Variants in CES2 observed in about 807,000 individuals in gnomAD.
The protein encoded by CES2 is cocaine esterase.
In CES2, 42 loss-of-function variants were observed where a neutral mutation model predicts 52.1. The ratio of observed to expected loss-of-function variants is 0.81; its 90% CI spans 0.63 to 1.04. The LOEUF (loss-of-function observed/expected upper bound fraction) is 1.04, where lower values mean the gene tolerates loss of function less well. Among genes scored for constraint, CES2 ranks in the 50% least tolerant of loss-of-function variants. The probability of loss-of-function intolerance (pLI) is 0.00; values close to 1 mark genes in which losing one functional copy is unlikely to be tolerated. For synonymous variants in CES2, 277 were observed against 289.6 expected, an observed-to-expected ratio of 0.96 and a Z score of 0.44; for missense variants, 656 against 724.3, an observed-to-expected ratio of 0.91 and a Z score of 1.08.
Position 66,943,481 on chromosome 16 carries a change from T to TGAAG in CES2, c.1493+112_1493+113insAGGA. 4 of 1,137,220 alleles carry TGAAG rather than the reference T, an allele frequency of 3.5e-6. No individual in the cohort carries two copies. The highest frequency in any genetic ancestry group is 5.2e-6 in the Non-Finnish European group (4 of 772,042). 70.4% of individuals were successfully genotyped at this position (1,137,220 alleles called of 1,614,324 possible). ...GAGCACACCCGCATCCTTCATCACA[T>TGAAG]GATGGCCCCTTCCCCAGCTCCGGGA... On this transcript the variant is annotated intron_variant, in intron 11 of 11. Coordinates refer to ENST00000317091, the MANE Select transcript of CES2 (RefSeq NM_001365405.1). This position sits in a 1 kb window ranked among gnomAD's most constrained non-coding sequence, Gnocchi z 4.2.
At chr16:66,935,385 C>T (rs1306202869), upstream of CES2, 5 of 1,518,730 alleles carry the variant, frequency 3.3e-6, no homozygotes, top group Admixed American at 2.1e-5. Context: ...GCCAAAGGAG[C>T]CCGGGCAAAG....
chr16:66,939,408 A>G, intron 3 of CES2, 50 bp downstream of exon 3: 1 of 1,598,326 alleles, frequency 6.3e-7, no homozygotes, highest in Non-Finnish European at 8.6e-7. Context: ...GTTCTTCTGC[A>G]AGAAGCTGAA....
intron 2 of CES2, 90 bp from the exon 3 acceptor site, chr16:66,939,127 G>T: frequency 1.8e-6 from 2 of 1,095,454 alleles, no homozygotes; most frequent in South Asian, 2.6e-5. Flanking sequence ...TGTGGGAAGG[G>T]TCTGAGGGTG....
chr16:66,941,101 GC>G, intron 5 of CES2, 22 bp from the exon 6 acceptor site: 1 of 1,613,480 alleles, frequency 6.2e-7, no homozygotes, highest in Non-Finnish European at 8.5e-7. Context: ...GGATGAGCCA[GC>G]CCCTGCCTGG....
intron 2 of CES2, among the ~76,000 whole-genome samples, chr16:66,938,668 A>C (rs906824195): frequency 1.3e-5 from 2 of 152,018 alleles, no homozygotes; most frequent in African/African-American, 4.8e-5. Flanking sequence ...GGGGACCTGC[A>C]CTCTCCACAG....
At position 66,940,539 on chromosome 16, in the gene CES2, C is replaced by A. The variant is rs139112900; in HGVS notation, c.660C>A (p.Asp220Glu). 1 of 1,614,044 alleles carries A rather than the reference C, an allele frequency of 6.2e-7. No individual in the cohort carries two copies. The highest frequency in any genetic ancestry group is 1.3e-5 in the African/African-American group (1 of 74,870). ...TCGCCCACTTTGGAGGCAACCCTGACCGTGTCACCATTTTTGGCGAGTCTG... is the reference window on the plus strand; with the variant it reads ...TCGCCCACTTTGGAGGCAACCCTGAACGTGTCACCATTTTTGGCGAGTCTG... ...QNIAHFGGNP[D>E]RVTIFGESAG... Residue 220 changes from aspartate (D) to glutamate (E), a missense_variant, in exon 5 of 12, where the codon GAC becomes GAA. Physicochemically the swap from Asp to Glu is conservative, Grantham distance 45. Coordinates refer to ENST00000317091, the MANE Select transcript of CES2 (RefSeq NM_001365405.1).
In CES2 at chr16:66,942,013, C is replaced by T. The variant is rs557284618; in HGVS notation, c.1138-92C>T. The T allele has an allele frequency of 1.2e-5, 19 of 1,532,282 alleles. No individual in the cohort carries two copies. In the African/African-American group the frequency reaches 2.6e-4, roughly 21 times the overall value. The allele number at this position is 1,532,282 out of a possible 1,614,324, so 94.9% of individuals were successfully genotyped here. ...TCACCTCAGAGCCTCGCCTTTGCTC[C>T]CCCTTCCTGTGCCATCCCCAAGCCC... On this transcript the variant is annotated intron_variant, in intron 8 of 11. Transcript: ENST00000317091.
chr16:66,942,026 C>G, intron 8 of CES2, 79 bp from the exon 9 acceptor site: 1 of 1,545,326 alleles, frequency 6.5e-7, no homozygotes, highest in Non-Finnish European at 8.8e-7. Context: ...CTTCCTGTGC[C>G]ATCCCCAAGC....
In CES2 at chr16:66,943,227, A is replaced by G; in HGVS notation, c.1421-72A>G. ...ACTGGGGACCGAGGTCTCGGGGGCC[A>G]AGGACGAGCTCCACCTGGGATGCTG... On this transcript the variant is annotated intron_variant, in intron 10 of 11. Transcript: ENST00000317091. This position sits in a 1 kb window ranked among gnomAD's most constrained non-coding sequence, Gnocchi z 4.2. 1 of 1,530,404 alleles carries G rather than the reference A, an allele frequency of 6.5e-7. No homozygotes were observed. Among genetic ancestry groups the G allele is most frequent in the Non-Finnish European group, 9.0e-7 (1 of 1,111,200 alleles). The allele number at this position is 1,530,404 out of a possible 1,614,324, so 94.8% of individuals were successfully genotyped here. A position where few individuals can be genotyped will look rare whatever the true frequency, so the allele number is the denominator to read the frequency against.
intron 9 of CES2, 65 bp from the exon 10 acceptor site, chr16:66,942,583 C>T (rs1963392359): frequency 1.9e-6 from 3 of 1,587,544 alleles, no homozygotes; most frequent in African/African-American, 1.3e-5. Context: ...TATCTTATCA[C>T]CATGGGTGAG....
At chr16:66,942,048 T>A in intron 8 of CES2, 57 bp from the exon 9 acceptor site, 1 of 1,565,968 alleles carries the variant, frequency 6.4e-7, no homozygotes, top group South Asian at 1.2e-5. Context: ...CGAGACCACC[T>A]CCTCCCTGCC....
Position 66,944,093 on chromosome 16 carries a change from C to A in CES2, c.*68C>A. 1 of 769,142 alleles carries A rather than the reference C, an allele frequency of 1.3e-6. No individual in the cohort carries two copies. The highest frequency in any genetic ancestry group is 2.0e-6 in the Non-Finnish European group (1 of 501,418). The allele number at this position is 769,142 out of a possible 1,614,324, so 47.6% of individuals were successfully genotyped here. A position where few individuals can be genotyped will look rare whatever the true frequency, so the allele number is the denominator to read the frequency against. ...AGGGTCAGCCTGCTGTGCCCACACA[C>A]ACCCACTAAGGAGAAAGAAGTTGAT... On this transcript the variant is annotated 3_prime_UTR_variant, in exon 12 of 12. Coordinates refer to ENST00000317091, the MANE Select transcript of CES2 (RefSeq NM_001365405.1).
intron 5 of CES2, 115 bp downstream of exon 5, chr16:66,940,810 C>T: frequency 2.2e-6 from 3 of 1,345,338 alleles, no homozygotes; most frequent in South Asian, 2.9e-5. Flanking sequence ...CCAGGAGCTG[C>T]TGCCTACCGT....
In CES2 at chr16:66,941,775, G is replaced by A. The variant is rs1385000850; in HGVS notation, c.1064G>A (p.Arg355Lys). ...EFGWLIPKVM[R>K]IYDTQKEMDR... is the part of the protein sequence containing the mutation. ...TCTCTCCTGGCCATCCAGGTCATGA[G>A]GATCTATGATACCCAGAAGGAAATG... The change falls in exon 8 of 12, where the codon AGG (arginine) becomes AAG (lysine). Residue 355 changes from arginine (R) to lysine (K), a missense_variant. By Grantham distance (26) the Arg-to-Lys change is conservative (BLOSUM62 2). Transcript: ENST00000317091. The A allele has an allele frequency of 6.2e-7, 1 of 1,614,134 alleles. No homozygotes were observed. Among genetic ancestry groups the A allele is most frequent in the Non-Finnish European group, 8.5e-7 (1 of 1,180,008 alleles).
chr16:66,935,382 G>T, upstream of CES2: 1 of 1,512,630 alleles, frequency 6.6e-7, no homozygotes, highest in Non-Finnish European at 8.9e-7. Context: ...GATGCCAAAG[G>T]AGCCCGGGCA....
chr16:66,941,282 C>G (rs1368054815), intron 6 of CES2, 60 bp downstream of exon 6: 17 of 1,591,008 alleles, frequency 1.1e-5, no homozygotes, highest in Non-Finnish European at 1.4e-5. Flanking sequence ...GGCTGGCAGG[C>G]CTGCACGGCC....
intron 5 of CES2, 51 bp downstream of exon 5, chr16:66,940,746 C>A: frequency 6.3e-7 from 1 of 1,581,700 alleles, no homozygotes; most frequent in Non-Finnish European, 8.6e-7. Flanking sequence ...CCCTCATATC[C>A]CTCAGAGCCT....
upstream of CES2, chr16:66,935,488 C>T: frequency 6.2e-7 from 1 of 1,613,836 alleles, no homozygotes; most frequent in East Asian, 2.2e-5. Context: ...CCTTTCCCGG[C>T]CCAAGCCAGC....
At position 66,940,492 on chromosome 16, in the gene CES2, C is replaced by G; in HGVS notation, c.613C>G (p.Leu205Val). Residue 205 changes from leucine to valine, a missense_variant, in exon 5 of 12, where the codon CTA becomes GTA. Physicochemically the swap from Leu to Val is conservative, Grantham distance 32. Coordinates refer to ENST00000317091, the MANE Select transcript of CES2 (RefSeq NM_001365405.1). ...GGGCTACCTGGACCAAGTGGCTGCA[C>G]TACGCTGGGTCCAGCAGAATATCGC... ...NWGYLDQVAALRWVQQNIAHF... is the reference protein window; with the variant it reads ...NWGYLDQVAAVRWVQQNIAHF... 1 of 1,614,246 alleles carries G rather than the reference C, an allele frequency of 6.2e-7. No homozygotes were observed.
Sources: gnomAD v4.1 joint callset for allele counts (sites outside exome capture counted in the v4.1 genomes callset) on GRCh38, gnomAD v4.1.1 for gene constraint, Gnocchi (gnomAD v3.1) non-coding constraint, MANE v1.5 for transcripts, NCBI Gene and HGNC (gene_info 2026-07-23, HGNC 2026-07-21) for gene names.